The following ABTB3 variants were observed in gnomAD, a reference collection of about 807,000 sequenced individuals.
ABTB3 encodes ankyrin repeat- and BTB/POZ domain-containing protein 3.
the ABTB3 span, among the ~76,000 whole-genome samples, chr12:107,398,703 G>C: frequency 6.6e-6 from 1 of 152,116 alleles, no homozygotes; most frequent in African/African-American, 2.4e-5. Flanking sequence ...CTGGGGCTGG[G>C]GGACAGGTAG....
At chr12:107,497,368 A>G in the ABTB3 span, among the ~76,000 whole-genome samples, 2 of 150,808 alleles carry the variant, frequency 1.3e-5, no homozygotes, top group East Asian at 1.9e-4. Context: ...TGTTATCATC[A>G]CCATCGCCAC....
At chr12:107,469,866 T>TTTTCTTTCTTTTTTCTTTC in the ABTB3 span, among the ~76,000 whole-genome samples, 1 of 75,502 alleles carries the variant, frequency 1.3e-5, no homozygotes, top group East Asian at 4.0e-4. Flanking sequence ...TCTTTCTTTC[T>TTTTCTTTCTTTTTTCTTTC]TTTCTTTCTT....
the ABTB3 span, among the ~76,000 whole-genome samples, chr12:107,344,841 G>T: frequency 6.6e-6 from 1 of 152,172 alleles, no homozygotes; most frequent in Admixed American, 6.5e-5. Context: ...TATTTCTGTA[G>T]GTTTTAATAT....
At chr12:107,525,324 C>CAAAAAAAAAAAA in the ABTB3 span, among the ~76,000 whole-genome samples, 114 of 34,836 alleles carry the variant, frequency 3.3e-3, 5 homozygotes, top group Non-Finnish European at 3.6e-3. Flanking sequence ...AAGATCCTGT[C>CAAAAAAAAAAAA]AAAAAAAAAA....
At chr12:107,651,513 C>CT in the ABTB3 span, among the ~76,000 whole-genome samples, 4 of 152,012 alleles carry the variant, frequency 2.6e-5, no homozygotes, top group Non-Finnish European at 5.9e-5. Context: ...TATCTTTGTC[C>CT]TTTTCCTCTA....
the ABTB3 span, among the ~76,000 whole-genome samples, chr12:107,401,050 A>G: frequency 6.6e-6 from 1 of 152,200 alleles, no homozygotes; most frequent in Admixed American, 6.5e-5. Context: ...ACCACGTAGT[A>G]CCAAGACTTG....
At chr12:107,467,447 C>T in the ABTB3 span, among the ~76,000 whole-genome samples, 2 of 152,284 alleles carry the variant, frequency 1.3e-5, no homozygotes, top group Middle Eastern at 3.4e-3. Flanking sequence ...CTCCTGACAG[C>T]CTTGGCACCT....
the ABTB3 span, among the ~76,000 whole-genome samples, chr12:107,643,746 T>C: frequency 7.0e-6 from 1 of 143,030 alleles, no homozygotes; most frequent in South Asian, 2.3e-4. Context: ...ATCTGGATTG[T>C]TATTCCTTTT....
the ABTB3 span, among the ~76,000 whole-genome samples, chr12:107,404,162 CAAAA>C: frequency 5.0e-5 from 2 of 40,248 alleles, no homozygotes; most frequent in East Asian, 1.3e-3. Context: ...GACTCTAACT[CAAAA>C]AAAAAAAAAA....
the ABTB3 span, among the ~76,000 whole-genome samples, chr12:107,635,556 A>G: frequency 6.6e-6 from 1 of 152,150 alleles, no homozygotes; most frequent in Non-Finnish European, 1.5e-5. Context: ...TTATGTGATG[A>G]CACTGGAGAA....
chr12:107,448,389 T>G, the ABTB3 span, among the ~76,000 whole-genome samples: 2 of 152,324 alleles, frequency 1.3e-5, no homozygotes, highest in African/African-American at 2.4e-5. Flanking sequence ...ACTAATTCCA[T>G]GCTCTGCCCA....
chr12:107,505,384 A>G, the ABTB3 span, among the ~76,000 whole-genome samples: 129 of 152,320 alleles, frequency 8.5e-4, no homozygotes, highest in African/African-American at 2.9e-3. Flanking sequence ...ACCGAGAAAA[A>G]CTAGATCAGT....
the ABTB3 span, among the ~76,000 whole-genome samples, chr12:107,469,910 C>T: frequency 3.8e-5 from 4 of 106,138 alleles, no homozygotes; most frequent in Admixed American, 9.0e-5. Context: ...TTCTTTCTTT[C>T]TTTCTTTCTT....
chr12:107,501,705 CA>C, the ABTB3 span, among the ~76,000 whole-genome samples: 1 of 150,708 alleles, frequency 6.6e-6, no homozygotes, highest in Non-Finnish European at 1.5e-5. Flanking sequence ...ATCTCAAAAA[CA>C]AAAAAAAGAA....
the ABTB3 span, among the ~76,000 whole-genome samples, chr12:107,378,673 A>G: frequency 1.3e-5 from 2 of 152,010 alleles, no homozygotes; most frequent in African/African-American, 4.8e-5. Flanking sequence ...CTGCCTCCAC[A>G]CACTGGCTCG....
the ABTB3 span, among the ~76,000 whole-genome samples, chr12:107,537,584 T>C: frequency 7.0e-4 from 106 of 152,110 alleles, no homozygotes; most frequent in Non-Finnish European, 1.2e-3. Context: ...CCTTCCCCCT[T>C]GGCTTTTCCT....
the ABTB3 span, among the ~76,000 whole-genome samples, chr12:107,623,357 C>A: frequency 8.7e-6 from 1 of 114,418 alleles, no homozygotes; most frequent in African/African-American, 3.3e-5. Context: ...CCACGCCTGG[C>A]CTTTTTTTTT....
At chr12:107,586,062 A>G in the ABTB3 span, among the ~76,000 whole-genome samples, 1 of 152,208 alleles carries the variant, frequency 6.6e-6, no homozygotes. Flanking sequence ...CCACAGAGAA[A>G]GCAAAACAGG....
the ABTB3 span, among the ~76,000 whole-genome samples, chr12:107,395,874 T>C: frequency 6.6e-6 from 1 of 152,244 alleles, no homozygotes; most frequent in South Asian, 2.1e-4. Flanking sequence ...CAACCCTGTA[T>C]GGGGCAAAGA....
Sources: gnomAD v4.1 joint callset for allele counts (sites outside exome capture counted in the v4.1 genomes callset) on GRCh38, gnomAD v4.1.1 for gene constraint, MANE v1.5 for transcripts, NCBI Gene and HGNC (gene_info 2026-07-23, HGNC 2026-07-21) for gene names.